CDH18: variants seen among roughly 807,000 people sequenced by gnomAD.
CDH18 encodes cadherin-18.
CDH18 carries 31 observed loss-of-function variants against 67.9 expected under a neutral mutation model. The observed-to-expected ratio is 0.46, with a 90% CI of 0.34 to 0.62. The LOEUF is 0.62. CDH18 is among the 20% of genes least tolerant of loss of function. The pLI, the probability that CDH18 is intolerant of heterozygous loss-of-function variation, is 0.01. For synonymous variants in CDH18, 362 were observed against 347.2 expected, an observed-to-expected ratio of 1.04 and a Z score of -0.48; for missense variants, 890 against 975.5, an observed-to-expected ratio of 0.91 and a Z score of 1.17.
chr5:19,619,902 A>G (rs1169515007), intron 5 of CDH18, among the ~76,000 whole-genome samples: 1 of 152,224 alleles, frequency 6.6e-6, no homozygotes, highest in East Asian at 1.9e-4. Context: ...ATATGAAATT[A>G]TATTAGACAC....
At chr5:20,280,629 C>T (rs1746184038) in intron 1 of CDH18, among the ~76,000 whole-genome samples, 1 of 152,148 alleles carries the variant, frequency 6.6e-6, no homozygotes. Context: ...TGGGTTGGTT[C>T]CAAGTCTTTG....
intron 3 of CDH18, among the ~76,000 whole-genome samples, chr5:19,767,360 G>A (rs930815868): frequency 4.6e-5 from 7 of 151,924 alleles, no homozygotes; most frequent in African/African-American, 7.2e-5. Flanking sequence ...GAGTAGTTGC[G>A]AATAAGGAGG....
chr5:19,625,390 G>T (rs1203424661), intron 5 of CDH18, among the ~76,000 whole-genome samples: 2 of 151,110 alleles, frequency 1.3e-5, no homozygotes, highest in Non-Finnish European at 2.9e-5. Context: ...TGTTTTCATT[G>T]CTGTGCCCTC....
At chr5:20,085,398 A>G (rs1347188553) in intron 2 of CDH18, among the ~76,000 whole-genome samples, 1 of 152,138 alleles carries the variant, frequency 6.6e-6, no homozygotes, top group African/African-American at 2.4e-5. Flanking sequence ...ACAAATCCCT[A>G]GGAAATTCCA....
At position 20,523,115 on chromosome 5, in the gene CDH18, C is replaced by T. The variant is rs140827307; in HGVS notation, c.-580+52347G>A. Among the ~76,000 whole-genome samples, 450 of 152,284 alleles carry T rather than the reference C, an allele frequency of 3.0e-3. 3 individuals are homozygous for T. The highest frequency in any genetic ancestry group is 8.9e-3 in the African/African-American group (368 of 41,566). On this transcript the variant is annotated intron_variant, in intron 1 of 14. Coordinates refer to the CDH18 transcript ENST00000507958. ...TTGCTTAATGTGTTTCATCTTTGTG[C>T]ATGATAGGAGTCACTGTCTTTGTAA...
chr5:20,151,670 T>C (rs1751113659), intron 2 of CDH18, among the ~76,000 whole-genome samples: 1 of 152,164 alleles, frequency 6.6e-6, no homozygotes, highest in Non-Finnish European at 1.5e-5. Flanking sequence ...TTTTCAAAAA[T>C]AGTCATTCTG....
chr5:19,740,728 A>C (rs570054299), intron 4 of CDH18, among the ~76,000 whole-genome samples: 2 of 152,276 alleles, frequency 1.3e-5, no homozygotes, highest in East Asian at 3.9e-4. Context: ...TCAAAAACCA[A>C]GTATCATTTC....
At chr5:19,709,693 AG>A (rs1764461086) in intron 5 of CDH18, among the ~76,000 whole-genome samples, 2 of 151,902 alleles carry the variant, frequency 1.3e-5, no homozygotes, top group Middle Eastern at 3.4e-3. Context: ...AGAAAAGAAA[AG>A]GAAAAAAAAG....
intron 2 of CDH18, among the ~76,000 whole-genome samples, chr5:20,172,210 A>ACACACG (rs1478085064): frequency 5.9e-5 from 4 of 67,458 alleles, no homozygotes; most frequent in Admixed American, 3.2e-4. Context: ...ATATATATAT[A>ACACACG]TATATATATA....
chr5:19,587,814 A>G (rs997420918), intron 7 of CDH18, among the ~76,000 whole-genome samples: 3 of 151,894 alleles, frequency 2.0e-5, no homozygotes, highest in African/African-American at 4.8e-5. Flanking sequence ...TTTTTTTCTA[A>G]TTCTCTGAAG....
At chr5:20,491,705 T>G (rs1319390806) in intron 1 of CDH18, among the ~76,000 whole-genome samples, 1 of 152,180 alleles carries the variant, frequency 6.6e-6, no homozygotes, top group Non-Finnish European at 1.5e-5. Context: ...GAGGCCCACC[T>G]ACAATTATAG....
At chr5:19,769,221 A>G (rs1274096256) in intron 3 of CDH18, among the ~76,000 whole-genome samples, 1 of 152,104 alleles carries the variant, frequency 6.6e-6, no homozygotes, top group Admixed American at 6.6e-5. Context: ...ATGAACCTCA[A>G]GTAGCATAAA....
intron 2 of CDH18, among the ~76,000 whole-genome samples, chr5:19,846,382 C>T (rs988259836): frequency 6.6e-6 from 1 of 152,000 alleles, no homozygotes; most frequent in Non-Finnish European, 1.5e-5. Context: ...TATTTTTATA[C>T]TTTTGTCTTT....
Position 20,461,767 on chromosome 5 carries a change from A to G in CDH18, c.-580+113695T>C, listed in dbSNP as rs1274011495. ...CTCAGTCATCTAAGTTAATCTTGAG[A>G]TTTCAATCCCTGCTTTTGGAATTTC... On this transcript the variant is annotated intron_variant, in intron 1 of 14. Coordinates refer to the CDH18 transcript ENST00000507958. Among the ~76,000 whole-genome samples, 8 of 152,278 alleles carry G rather than the reference A, an allele frequency of 5.3e-5. No homozygotes were observed. The East Asian group carries it at 1.2e-3, about 22-fold the overall frequency.
chr5:19,767,317 A>G (rs1402874893), intron 3 of CDH18, among the ~76,000 whole-genome samples: 3 of 152,018 alleles, frequency 2.0e-5, no homozygotes, highest in African/African-American at 7.2e-5. Context: ...AATGGAAGGG[A>G]TAGGTAATTG....
At chr5:19,917,310 TCTC>T (rs1443893248) in intron 2 of CDH18, among the ~76,000 whole-genome samples, 1 of 152,040 alleles carries the variant, frequency 6.6e-6, no homozygotes, top group East Asian at 1.9e-4. Context: ...TTCCTTACGT[TCTC>T]CTCCTGTTCT....
intron 1 of CDH18, among the ~76,000 whole-genome samples, chr5:20,465,450 C>T (rs1162270620): frequency 2.0e-5 from 3 of 151,936 alleles, no homozygotes; most frequent in Non-Finnish European, 4.4e-5. Flanking sequence ...CAGGATATTA[C>T]ATATTTTTAA....
rs576124060 is a variant in CDH18 at position 19,542,260 on chromosome 5, TAA to T, written c.1390+1607_1390+1608del. On this transcript the variant is annotated intron_variant, in intron 9 of 12. Transcript: ENST00000382275. Reference sequence around the variant, plus strand: ...CTCACACCCACTAGAATGGCTATAATAAAAAGACATATAGTAACAAATGTTGG... The same window carrying T: ...CTCACACCCACTAGAATGGCTATAATAAAGACATATAGTAACAAATGTTGG... Among the ~76,000 whole-genome samples, 122 of 152,098 alleles carry T rather than the reference TAA, an allele frequency of 8.0e-4. 1 individual carries two copies. Among genetic ancestry groups the T allele is most frequent in the African/African-American group, 2.7e-3 (112 of 41,490 alleles).
chr5:19,713,284 G>A (rs988682363), intron 5 of CDH18, among the ~76,000 whole-genome samples: 1 of 151,930 alleles, frequency 6.6e-6, no homozygotes. Flanking sequence ...ATTTTATAGC[G>A]AATTAGATGA....
Sources: allele counts gnomAD v4.1 joint callset (sites outside exome capture counted in the v4.1 genomes callset), GRCh38; gene constraint gnomAD v4.1.1; transcripts MANE v1.5; gene names NCBI Gene and HGNC (gene_info 2026-07-23, HGNC 2026-07-21).